The following SLC44A2 variants were observed in gnomAD, a reference collection of about 807,000 sequenced individuals.
SLC44A2 encodes choline transporter-like protein 2.
A neutral mutation model predicts 90.8 loss-of-function variants in SLC44A2; 57 were observed. The ratio of observed to expected loss-of-function variants is 0.63; its 90% CI spans 0.51 to 0.78. The LOEUF (loss-of-function observed/expected upper bound fraction) is 0.78, where lower values mean the gene tolerates loss of function less well. Ranked by LOEUF, SLC44A2 falls within the 30% of genes least tolerant of loss-of-function variation. The pLI is 0.00. For missense variants in SLC44A2, 794 were observed against 919.7 expected, an observed-to-expected ratio of 0.86 and a Z score of 1.77; for synonymous variants, 355 against 360.7, an observed-to-expected ratio of 0.98 and a Z score of 0.18.
rs1184099874 is a variant in SLC44A2, at chr19:10,638,283, C to A, written c.1897C>A (p.Pro633Thr). Residue 633 changes from proline (P) to threonine (T), a missense_variant, in exon 20 of 22, where the codon CCA (proline) becomes ACA (threonine). By Grantham distance (38) the Pro-to-Thr change is conservative (BLOSUM62 -1). Coordinates refer to ENST00000335757, the MANE Select transcript of SLC44A2 (RefSeq NM_020428.4). The stretch of plus-strand genomic sequence containing the variant: ...TATCAGGATCGTGCAGGATACAGCA[C>A]CACCCCTCAATTATTACTGGGTTCC... The part of the protein sequence containing the change: ...HRIRIVQDTA[P>T]PLNYYWVPIL... 6.2e-7 allele frequency: 1 copy of A among 1,614,076 alleles called. No homozygotes were observed.
intron 1 of SLC44A2, among the ~76,000 whole-genome samples, chr19:10,604,891 G>A (rs1182640745): frequency 6.6e-6 from 1 of 151,640 alleles, no homozygotes. Flanking sequence ...CATATCTAAA[G>A]GAAGGCAGCA....
chr19:10,617,128 G>T (rs575527974), intron 1 of SLC44A2, among the ~76,000 whole-genome samples: 1 of 147,960 alleles, frequency 6.8e-6, no homozygotes, highest in African/African-American at 2.5e-5. Context: ...CATCGTGTTA[G>T]CCAGGATGGT....
intron 10 of SLC44A2, among the ~76,000 whole-genome samples, chr19:10,633,082 C>T (rs1268413555): frequency 6.6e-6 from 1 of 152,136 alleles, no homozygotes; most frequent in Non-Finnish European, 1.5e-5. Flanking sequence ...CTGTTTAGTT[C>T]AGGCCTGTGG....
At chr19:10,627,473 C>T (rs576646448) in intron 2 of SLC44A2, among the ~76,000 whole-genome samples, 22 of 151,754 alleles carry the variant, frequency 1.4e-4, no homozygotes, top group African/African-American at 4.6e-4. Context: ...CCCAGGAGTT[C>T]GAGGCTGTAG....
chr19:10,616,320 T>TC (rs1436454028), intron 1 of SLC44A2, among the ~76,000 whole-genome samples: 2 of 151,972 alleles, frequency 1.3e-5, no homozygotes, highest in Non-Finnish European at 2.9e-5. Flanking sequence ...AACCTCCGTC[T>TC]CCCCCGGCTC....
chr19:10,629,397 C>T (rs1445335680), intron 4 of SLC44A2, among the ~76,000 whole-genome samples: 1 of 151,420 alleles, frequency 6.6e-6, no homozygotes, highest in African/African-American at 2.4e-5. Context: ...CCTGCCTCAG[C>T]CTCCCGAGTT....
At chr19:10,611,974 C>T (rs559927610) in intron 1 of SLC44A2, among the ~76,000 whole-genome samples, 17 of 152,268 alleles carry the variant, frequency 1.1e-4, no homozygotes, top group African/African-American at 3.9e-4. Context: ...AAATCTTTGG[C>T]TAGCTGTTTT....
At chr19:10,615,539 G>T (rs898651738) in intron 1 of SLC44A2, among the ~76,000 whole-genome samples, 1 of 151,162 alleles carries the variant, frequency 6.6e-6, no homozygotes, top group African/African-American at 2.4e-5. Context: ...ACACCAGTGC[G>T]CTCCAGCCTG....
At chr19:10,613,678 C>G (rs559816266) in intron 1 of SLC44A2, among the ~76,000 whole-genome samples, 1 of 152,068 alleles carries the variant, frequency 6.6e-6, no homozygotes, top group African/African-American at 2.4e-5. Flanking sequence ...GAGACCCCGT[C>G]TCTTTAAGAA....
chr19:10,615,586 AATGGT>A, intron 1 of SLC44A2, among the ~76,000 whole-genome samples: 1 of 151,800 alleles, frequency 6.6e-6, no homozygotes, highest in East Asian at 1.9e-4. Flanking sequence ...AAAAAAAAAA[AATGGT>A]CTTCACATTG....
chr19:10,643,391 C>T lies in SLC44A2; in HGVS notation c.*6C>T. The T allele has an allele frequency of 1.9e-6, 3 of 1,605,704 alleles. No individual in the cohort carries two copies. Among genetic ancestry groups the T allele is most frequent in the African/African-American group, 1.3e-5 (1 of 74,864 alleles). ...AGAAGGCAGCGGAGTCCTGAAGGCC[C>T]CGTGCTCCCCACCTCTCAAGGAGTC... On this transcript the variant is annotated 3_prime_UTR_variant, in exon 22 of 22. Transcript: ENST00000335757.
At position 10,631,911 on chromosome 19, in the gene SLC44A2, A is replaced by G. The variant is rs756106602; in HGVS notation, c.670A>G (p.Ile224Val). 1.9e-6 allele frequency: 3 copies of G among 1,614,234 alleles called. No homozygotes were observed. The highest frequency in any genetic ancestry group is 1.6e-4 in the Middle Eastern group (1 of 6,062). ...AGAGGCGCGGCAACTCGCCATGCGC[A>G]TATTTGAAGATTACACCGTCTCTTG... is the stretch of plus-strand genomic sequence containing the variant. Reference protein sequence around the residue: ...VLEARQLAMRIFEDYTVSWYW... With the variant: ...VLEARQLAMRVFEDYTVSWYW... Residue 224 changes from isoleucine to valine, a missense_variant, in exon 9 of 22, where the codon ATA (isoleucine) becomes GTA (valine). Around this residue, in one of 3 missense-constraint regions of SLC44A2, gnomAD observed 738 missense variants for 841.1 expected, o/e 0.88. Transcript: ENST00000335757.
chr19:10,635,258 A>ATC lies in SLC44A2; in HGVS notation c.1148+5_1148+6dup. The ATC allele has an allele frequency of 6.2e-7, 1 of 1,613,922 alleles. No homozygotes were observed. Among genetic ancestry groups the ATC allele is most frequent in the Non-Finnish European group, 8.5e-7 (1 of 1,179,986 alleles). On this transcript the variant is annotated splice_donor_region_variant and intron_variant, in intron 13 of 21. Transcript: ENST00000335757. Reference sequence around the variant, plus strand: ...GCCTACTGGGCCAGCACTGCTGTGTATCTGCCCCCAGACACTGATCTCTGA... The same window carrying ATC: ...GCCTACTGGGCCAGCACTGCTGTGTATCTCTGCCCCCAGACACTGATCTCTGA...
In SLC44A2 at chr19:10,631,909, G is replaced by T; in HGVS notation, c.668G>T (p.Arg223Leu). The T allele has an allele frequency of 6.2e-7, 1 of 1,614,240 alleles. No individual in the cohort carries two copies. Among genetic ancestry groups the T allele is most frequent in the East Asian group, 2.2e-5 (1 of 44,888 alleles). Residue 223 changes from arginine to leucine, a missense_variant, in exon 9 of 22, where the codon CGC (arginine) becomes CTC (leucine). By Grantham distance (102) the Arg-to-Leu change is moderately radical (BLOSUM62 -2). This residue lies in a region of SLC44A2 where 738 missense variants were observed against 841.1 expected (regional missense o/e 0.88). Transcript: ENST00000335757. ...CTAGAGGCGCGGCAACTCGCCATGCGCATATTTGAAGATTACACCGTCTCT... is the reference window on the plus strand; with the variant it reads ...CTAGAGGCGCGGCAACTCGCCATGCTCATATTTGAAGATTACACCGTCTCT... ...GVLEARQLAM[R>L]IFEDYTVSWY... is the part of the protein sequence containing the mutation.
Position 10,638,281 on chromosome 19 carries a change from C to A in SLC44A2, c.1895C>A (p.Ala632Glu). 1 of 1,614,126 alleles carries A rather than the reference C, an allele frequency of 6.2e-7. No homozygotes were observed. Among genetic ancestry groups the A allele is most frequent in the East Asian group, 2.2e-5 (1 of 44,890 alleles). ...THRIRIVQDT[A>E]PPLNYYWVPI... ...CGTATCAGGATCGTGCAGGATACAG[C>A]ACCACCCCTCAATTATTACTGGGTT... The change falls in exon 20 of 22, where the codon GCA becomes GAA. Residue 632 changes from alanine to glutamate, a missense_variant. Transcript: ENST00000335757.
intron 21 of SLC44A2, chr19:10,642,888 G>C: frequency 6.3e-7 from 1 of 1,582,240 alleles, no homozygotes; most frequent in Non-Finnish European, 8.5e-7. Flanking sequence ...GTTCCCGGGG[G>C]GAGCCCAGGT....
chr19:10,630,930 G>C, intron 4 of SLC44A2, 127 bp from the exon 5 acceptor site: 3 of 669,868 alleles, frequency 4.5e-6, no homozygotes, highest in Non-Finnish European at 7.7e-6. Context: ...GCTTGAACCC[G>C]GGAGGCGGAG....
chr19:10,633,478 C>CA (rs1446289260), intron 10 of SLC44A2, among the ~76,000 whole-genome samples: 2 of 151,892 alleles, frequency 1.3e-5, no homozygotes, highest in Non-Finnish European at 2.9e-5. Context: ...TTTTTTGAGA[C>CA]AGAGTCTCAC....
At chr19:10,616,859 C>T (rs1038912222) in intron 1 of SLC44A2, among the ~76,000 whole-genome samples, 1 of 152,154 alleles carries the variant, frequency 6.6e-6, no homozygotes. Context: ...CCTCCCACCT[C>T]AGTCTCCCTG....
Sources: allele counts gnomAD v4.1 joint callset (sites outside exome capture counted in the v4.1 genomes callset), GRCh38; gene constraint gnomAD v4.1.1; regional missense constraint gnomAD v4.1.1; transcripts MANE v1.5; gene names NCBI Gene and HGNC (gene_info 2026-07-23, HGNC 2026-07-21).